STIM1: variants seen among roughly 807,000 people sequenced by gnomAD.
STIM1 encodes the protein stromal interaction molecule 1.
STIM1 carries 25 observed loss-of-function variants against 74.7 expected under a neutral mutation model. That is an observed-to-expected ratio of 0.33 (90% confidence interval 0.24 to 0.47). STIM1 has a LOEUF of 0.47. Ranked by LOEUF, STIM1 falls within the 20% of genes least tolerant of loss-of-function variation. The pLI, the probability that STIM1 is intolerant of heterozygous loss-of-function variation, is 1.00. For synonymous variants in STIM1, 328 were observed against 348.8 expected (o/e 0.94, Z 0.66); for missense variants, 728 against 920.8 (o/e 0.79, Z 2.71).
At chr11:4,048,660 T>G (rs1285418362) in intron 3 of STIM1, among the ~76,000 whole-genome samples, 1 of 152,148 alleles carries the variant, frequency 6.6e-6, no homozygotes, top group Non-Finnish European at 1.5e-5. Context: ...CATAATTGAC[T>G]TTTAACAAAG....
chr11:3,895,709 T>TC (rs2092097909), intron 1 of STIM1, among the ~76,000 whole-genome samples: 1 of 35,652 alleles, frequency 2.8e-5, no homozygotes, highest in African/African-American at 1.8e-4. Context: ...TTTCTTTCTT[T>TC]CTTTCTTTCT....
intron 1 of STIM1, among the ~76,000 whole-genome samples, chr11:3,861,502 G>C (rs1042281298): frequency 6.6e-6 from 1 of 152,092 alleles, no homozygotes; most frequent in Non-Finnish European, 1.5e-5. Context: ...CCAAAGTGTG[G>C]GATTACAGGC....
chr11:3,936,450 C>T (rs190463979), intron 1 of STIM1, among the ~76,000 whole-genome samples: 86 of 152,300 alleles, frequency 5.6e-4, no homozygotes, highest in African/African-American at 1.9e-3. Flanking sequence ...AGTACCCCTA[C>T]AGTTCCAGGA....
At position 3,855,846 on chromosome 11, in the gene STIM1, C is replaced by T. The variant is rs1393365279; in HGVS notation, c.-425C>T. 1 of 206,236 alleles carries T rather than the reference C, an allele frequency of 4.8e-6. No homozygotes were observed. Among genetic ancestry groups the T allele is most frequent in the Non-Finnish European group, 1.0e-5 (1 of 98,174 alleles). The allele number at this position is 206,236 out of a possible 1,614,324, so 12.8% of individuals were successfully genotyped here. On this transcript the variant is annotated 5_prime_UTR_variant, in exon 1 of 13. Transcript: ENST00000526596. ...CCTCCCCAGCTTCTGCTGCTCGCCG[C>T]TCTTCGGCAGGGCGAGGTCAGGTGC...
intron 1 of STIM1, among the ~76,000 whole-genome samples, chr11:3,919,762 C>T (rs976575568): frequency 3.3e-5 from 5 of 152,172 alleles, no homozygotes; most frequent in Middle Eastern, 6.8e-3. Context: ...AACAACCATT[C>T]GATTTTTTAA....
At chr11:3,911,175 C>A (rs1164006135) in intron 1 of STIM1, among the ~76,000 whole-genome samples, 3 of 152,148 alleles carry the variant, frequency 2.0e-5, no homozygotes. Flanking sequence ...GTGTCCTTGT[C>A]CATCCTTCCA....
chr11:4,083,628 G>A (rs986520526), intron 10 of STIM1, 130 bp downstream of exon 10: 3 of 872,022 alleles, frequency 3.4e-6, no homozygotes, highest in South Asian at 2.9e-5. Flanking sequence ...CATGACCTTG[G>A]TCAATAAAGC....
At chr11:4,005,168 A>G (rs1318115336) in intron 2 of STIM1, among the ~76,000 whole-genome samples, 1 of 152,350 alleles carries the variant, frequency 6.6e-6, no homozygotes, top group East Asian at 1.9e-4. Context: ...TGTGGAAGTC[A>G]GTGTGGCGAC....
intron 2 of STIM1, among the ~76,000 whole-genome samples, chr11:3,983,210 A>G (rs1040166268): frequency 3.1e-4 from 47 of 152,336 alleles, no homozygotes; most frequent in African/African-American, 1.1e-3. Flanking sequence ...TTGGGATTAC[A>G]AGTGTAAGCC....
chr11:3,928,589 G>A (rs913935835), intron 1 of STIM1, among the ~76,000 whole-genome samples: 4 of 151,942 alleles, frequency 2.6e-5, no homozygotes, highest in African/African-American at 9.7e-5. Flanking sequence ...AGTTTAGCCC[G>A]GGGATGTGTG....
rs112333638 is a variant in STIM1 at position 3,968,603 on chromosome 11, G to A, written c.270+921G>A. Among the ~76,000 whole-genome samples the A allele has an allele frequency of 3.2e-3, 489 of 152,294 alleles. 1 individual carries two copies. The highest frequency in any genetic ancestry group is 0.01 in the African/African-American group (419 of 41,556). On this transcript the variant is annotated intron_variant, in intron 2 of 12. Transcript: ENST00000526596. ...TTCAACACAATTATGTTTATTAAGC[G>A]TCTATGTACCATGCACTGTGCTAGG...
intron 3 of STIM1, among the ~76,000 whole-genome samples, chr11:4,039,585 CAAA>C (rs549132163): frequency 7.3e-5 from 4 of 54,472 alleles, no homozygotes; most frequent in East Asian, 6.4e-4. Context: ...GACTCCATCT[CAAA>C]AAAAAAAAAA....
intron 1 of STIM1, among the ~76,000 whole-genome samples, chr11:3,863,219 C>CGTGT (rs1565093734): frequency 9.6e-6 from 1 of 103,854 alleles, no homozygotes; most frequent in Non-Finnish European, 1.9e-5. Flanking sequence ...TGAGACAATG[C>CGTGT]ATGTGTGTGT....
At chr11:4,045,573 C>T (rs2094184848) in intron 3 of STIM1, among the ~76,000 whole-genome samples, 1 of 151,894 alleles carries the variant, frequency 6.6e-6, no homozygotes, top group African/African-American at 2.4e-5. Context: ...CCTCAGCCTC[C>T]TGAGTAGCTA....
At chr11:3,942,627 G>A (rs1401400187) in intron 1 of STIM1, among the ~76,000 whole-genome samples, 3 of 152,160 alleles carry the variant, frequency 2.0e-5, no homozygotes, top group African/African-American at 7.2e-5. Context: ...TCCTCTCAAT[G>A]AACTGTGGTT....
intron 1 of STIM1, among the ~76,000 whole-genome samples, chr11:3,863,125 C>T (rs1453310826): frequency 6.6e-6 from 1 of 151,876 alleles, no homozygotes; most frequent in African/African-American, 2.4e-5. Flanking sequence ...AACTCCTGAC[C>T]TCAGATAATC....
chr11:3,987,829 A>C (rs1565137920), intron 2 of STIM1, among the ~76,000 whole-genome samples: 3 of 151,484 alleles, frequency 2.0e-5, no homozygotes. Flanking sequence ...ACACACACAC[A>C]CACACACACA....
At chr11:4,022,358 AG>A (rs1363355365) in intron 2 of STIM1, among the ~76,000 whole-genome samples, 14 of 143,456 alleles carry the variant, frequency 9.8e-5, no homozygotes, top group South Asian at 2.2e-4. Context: ...AAAAAAAAAG[AG>A]AGAAGATCAT....
intron 1 of STIM1, among the ~76,000 whole-genome samples, chr11:3,889,519 C>T (rs190990916): frequency 3.9e-5 from 6 of 152,144 alleles, no homozygotes; most frequent in Admixed American, 2.6e-4. Context: ...AGGCACACGC[C>T]ACCGCATCTG....
Sources: gnomAD v4.1 joint callset for allele counts (sites outside exome capture counted in the v4.1 genomes callset) on GRCh38, gnomAD v4.1.1 for gene constraint, MANE v1.5 for transcripts, NCBI Gene and HGNC (gene_info 2026-07-23, HGNC 2026-07-21) for gene names.